RAB3D: variants seen among roughly 807,000 people sequenced by gnomAD.
The protein encoded by RAB3D is RAB3D, member RAS oncogene family.
Under a neutral mutation model 19.3 loss-of-function variants are expected in RAB3D, and 17 were observed. The observed-to-expected ratio is 0.88, with a 90% CI of 0.60 to 1.32. The LOEUF (loss-of-function observed/expected upper bound fraction) is 1.32. Ranked by LOEUF, RAB3D falls within the 40% of genes most tolerant of loss-of-function variation. The probability of loss-of-function intolerance (pLI) is 0.00; values close to 1 mark genes in which losing one functional copy is unlikely to be tolerated. For missense variants in RAB3D, 223 were observed against 299.1 expected (o/e 0.75, Z 1.88); for synonymous variants, 103 against 119.9 (o/e 0.86, Z 0.92).
intron 2 of RAB3D, among the ~76,000 whole-genome samples, chr19:11,336,634 G>C (rs1966897514): frequency 6.6e-6 from 1 of 151,624 alleles, no homozygotes; most frequent in Non-Finnish European, 1.5e-5. Flanking sequence ...CATGTCTTAG[G>C]TTAGTATCAT....
At chr19:11,329,074 C>T (rs537689765) in intron 4 of RAB3D, among the ~76,000 whole-genome samples, 178 of 151,878 alleles carry the variant, frequency 1.2e-3, no homozygotes, top group African/African-American at 4.2e-3. Context: ...TGTGCCACCA[C>T]ACACAGCCGA....
At position 11,323,990 on chromosome 19, in the gene RAB3D, G is replaced by C. The variant is rs2080796365; in HGVS notation, c.*1408C>G. The C allele has an allele frequency of 6.6e-6, 1 of 152,094 alleles. No individual in the cohort carries two copies. The highest frequency in any genetic ancestry group is 2.4e-5 in the African/African-American group (1 of 41,388). 9.4% of individuals were successfully genotyped at this position (152,094 alleles called of 1,614,324 possible). On this transcript the variant is annotated 3_prime_UTR_variant, in exon 5 of 5. Coordinates refer to ENST00000222120, the MANE Select transcript of RAB3D (RefSeq NM_004283.4). The stretch of plus-strand genomic sequence containing the variant: ...TCTTCAAACTGCACACGTAACCTCT[G>C]AGCAGAAGCCCCTGGAGGTGGGGAC...
At chr19:11,334,381 A>C (rs1390052278) in intron 4 of RAB3D, among the ~76,000 whole-genome samples, 1 of 152,178 alleles carries the variant, frequency 6.6e-6, no homozygotes, top group East Asian at 1.9e-4. Context: ...AGGAAGGAGA[A>C]TCACTTGAAT....
chr19:11,328,365 G>C (rs1338358605), intron 4 of RAB3D, among the ~76,000 whole-genome samples: 1 of 146,462 alleles, frequency 6.8e-6, no homozygotes, highest in African/African-American at 2.6e-5. Context: ...AAGAAGGTTG[G>C]GGGGTGCCAG....
At chr19:11,337,520 T>C (rs560291351) in intron 1 of RAB3D, 60 bp from the exon 2 acceptor site, 8 of 789,604 alleles carry the variant, frequency 1.0e-5, no homozygotes, top group Non-Finnish European at 1.7e-5. Flanking sequence ...TGGATTCAAA[T>C]CTCAGCTCGG....
rs2080807902 is a variant in RAB3D at position 11,325,601 on chromosome 19, G to A, written c.473-16C>T. On this transcript the variant is annotated splice_polypyrimidine_tract_variant and intron_variant, in intron 4 of 4. Coordinates refer to ENST00000222120, the MANE Select transcript of RAB3D (RefSeq NM_004283.4). Reference sequence around the variant, plus strand: ...AACTCGAAACCTGGATGAATGTTAAGGTGGGGACACTCGTAAGACCCCTGA... The same window carrying A: ...AACTCGAAACCTGGATGAATGTTAAAGTGGGGACACTCGTAAGACCCCTGA... 1 of 1,554,834 alleles carries A rather than the reference G, an allele frequency of 6.4e-7. No individual in the cohort carries two copies.
chr19:11,327,619 G>A (rs762261594), intron 4 of RAB3D, among the ~76,000 whole-genome samples: 2 of 152,064 alleles, frequency 1.3e-5, no homozygotes, highest in Non-Finnish European at 2.9e-5. Flanking sequence ...GGCTGGTATC[G>A]AACTCTTGAC....
chr19:11,326,806 C>A, intron 4 of RAB3D: 1 of 689,348 alleles, frequency 1.5e-6, no homozygotes, highest in Non-Finnish European at 2.6e-6. Flanking sequence ...GTGGGGGTCT[C>A]GCTATGTTGC....
At chr19:11,336,931 T>C (rs1030486752) in intron 2 of RAB3D, among the ~76,000 whole-genome samples, 9 of 149,066 alleles carry the variant, frequency 6.0e-5, no homozygotes, top group Non-Finnish European at 1.3e-4. Context: ...CATTGTGCCA[T>C]TGTGCTCCAG....
intron 2 of RAB3D, 89 bp from the exon 3 acceptor site, chr19:11,335,872 C>T: frequency 8.2e-7 from 1 of 1,216,982 alleles, no homozygotes; most frequent in Non-Finnish European, 1.2e-6. Flanking sequence ...TACTCATAGC[C>T]CCAGCCTTAC....
chr19:11,326,919 CT>C, intron 4 of RAB3D: 1 of 528,324 alleles, frequency 1.9e-6, no homozygotes, highest in Non-Finnish European at 3.4e-6. Flanking sequence ...TTCCTGCATC[CT>C]TTTAAGGTTC....
Position 11,322,259 on chromosome 19 carries a change from T to G in RAB3D, c.*3139A>C, listed in dbSNP as rs892550590. ...TTATCCCGTTAACACTGAGACCACA[T>G]TTCACCTGTTACTTATTTTTCTAAA... On this transcript the variant is annotated 3_prime_UTR_variant, in exon 5 of 5. Coordinates refer to ENST00000222120, the MANE Select transcript of RAB3D (RefSeq NM_004283.4). 1.3e-5 allele frequency: 2 copies of G among 151,982 alleles called. No homozygotes were observed. The highest frequency in any genetic ancestry group is 1.5e-5 in the Non-Finnish European group (1 of 68,006). The allele number at this position is 151,982 out of a possible 1,614,324, so 9.4% of individuals were successfully genotyped here.
intron 4 of RAB3D, among the ~76,000 whole-genome samples, chr19:11,329,100 A>G: frequency 6.6e-6 from 1 of 151,368 alleles, no homozygotes; most frequent in Admixed American, 6.6e-5. Flanking sequence ...GGTATTTTTT[A>G]TAGGGGTGGG....
chr19:11,327,056 C>A (rs2080817667), intron 4 of RAB3D: 3 of 460,504 alleles, frequency 6.5e-6, no homozygotes, highest in Non-Finnish European at 1.1e-5. Flanking sequence ...GTAAGTGGAC[C>A]TGTCTTCTCT....
chr19:11,326,889 C>T (rs762871487), intron 4 of RAB3D: 25 of 569,792 alleles, frequency 4.4e-5, no homozygotes, highest in South Asian at 8.4e-5. Context: ...GGTTTACCAG[C>T]GTGAGCCACC....
At chr19:11,330,897 T>A (rs2080833534) in intron 4 of RAB3D, among the ~76,000 whole-genome samples, 1 of 151,442 alleles carries the variant, frequency 6.6e-6, no homozygotes, top group Non-Finnish European at 1.5e-5. Flanking sequence ...ACACCTGGCA[T>A]CCCAGCTACT....
chr19:11,331,948 G>A (rs1375361756), intron 4 of RAB3D, among the ~76,000 whole-genome samples: 2 of 152,206 alleles, frequency 1.3e-5, no homozygotes, highest in Admixed American at 6.5e-5. Flanking sequence ...GGGAATAGAT[G>A]ATTCAAGATT....
intron 4 of RAB3D, among the ~76,000 whole-genome samples, chr19:11,327,491 C>T (rs1233590621): frequency 2.0e-5 from 3 of 152,202 alleles, no homozygotes; most frequent in Admixed American, 6.6e-5. Context: ...CTCCGTCTCC[C>T]GAGTTCAAGC....
At position 11,328,784 on chromosome 19, in the gene RAB3D, T is replaced by A. The variant is rs2080825413; in HGVS notation, c.473-3199A>T. On this transcript the variant is annotated intron_variant, in intron 4 of 4. Coordinates refer to ENST00000222120, the MANE Select transcript of RAB3D (RefSeq NM_004283.4). The stretch of plus-strand genomic sequence containing the variant: ...GTGAGCTGAGGTCATGCCATTGCAC[T>A]CCAGCCTGGGCAACAGAGTGAGACC... 2.6e-5 allele frequency among the ~76,000 whole-genome samples: 4 copies of A among 151,908 alleles called. No individual in the cohort carries two copies. The South Asian group carries it at 8.3e-4, about 32-fold the overall frequency.
Sources: gnomAD v4.1 joint callset for allele counts (sites outside exome capture counted in the v4.1 genomes callset) on GRCh38, gnomAD v4.1.1 for gene constraint, MANE v1.5 for transcripts, NCBI Gene and HGNC (gene_info 2026-07-23, HGNC 2026-07-21) for gene names.